USF3: variants seen among roughly 807,000 people sequenced by gnomAD.
USF3 encodes the protein upstream transcription factor family member 3.
USF3 carries 29 observed loss-of-function variants against 157.5 expected under a neutral mutation model. That is an observed-to-expected ratio of 0.18 (90% CI 0.14 to 0.25). USF3 has a LOEUF of 0.25. Among genes scored for constraint, USF3 ranks in the 10% least tolerant of loss-of-function variants. The pLI, the probability that USF3 is intolerant of heterozygous loss-of-function variation, is 1.00. For synonymous variants in USF3, 893 were observed against 941.4 expected (o/e 0.95, Z 0.94); for missense variants, 2,381 against 2,667.6 (o/e 0.89, Z 2.37).
intron 1 of USF3, among the ~76,000 whole-genome samples, chr3:113,681,554 ATT>A (rs566594731): frequency 0.31 from 39,359 of 126,022 alleles, 3,066 homozygotes; most frequent in African/African-American, 0.32. Flanking sequence ...CGACTGGCTA[ATT>A]TTTTTTTTTT....
intron 1 of USF3, among the ~76,000 whole-genome samples, chr3:113,695,207 A>C (rs569732045): frequency 1.3e-5 from 2 of 152,356 alleles, no homozygotes; most frequent in East Asian, 3.9e-4. Flanking sequence ...TTCTGCTTTC[A>C]GAAGTGCAAT....
At position 113,654,960 on chromosome 3, in the gene USF3, C is replaced by A. The variant is rs994482334; in HGVS notation, c.6722G>T (p.Cys2241Phe). 2.5e-6 allele frequency: 4 copies of A among 1,609,038 alleles called. No homozygotes were observed. Among genetic ancestry groups the A allele is most frequent in the East Asian group, 2.2e-5 (1 of 44,790 alleles). The change falls in exon 7 of 7, where the codon TGC (cysteine) becomes TTC (phenylalanine). Residue 2241 changes from cysteine (C) to phenylalanine (F), a missense_variant. Cys to Phe is a radical substitution (Grantham distance 205, BLOSUM62 -2). Around this residue, in one of 6 missense-constraint regions of USF3, gnomAD observed 20 missense variants for 36.6 expected, o/e 0.55. Coordinates refer to ENST00000316407, the MANE Select transcript of USF3 (RefSeq NM_001009899.4). ...TATCAGTATTTAAACAGCTGAACTGCAATCATGACCTAGAATATGGCTTAT... is the reference window on the plus strand; with the variant it reads ...TATCAGTATTTAAACAGCTGAACTGAAATCATGACCTAGAATATGGCTTAT... ...HNISHILGHDCSSAV is the reference protein window; with the variant it reads ...HNISHILGHDFSSAV
intron 5 of USF3, among the ~76,000 whole-genome samples, chr3:113,668,544 A>G (rs55654899): frequency 0.12 from 17,575 of 152,108 alleles, 1,272 homozygotes; most frequent in East Asian, 0.31. Flanking sequence ...TAATCATGCA[A>G]CACTTAGGGC....
rs539740851 is a variant in USF3 at position 113,677,504 on chromosome 3, A to T, written c.-134-107T>A. 5.9e-5 allele frequency: 9 copies of T among 152,330 alleles called. No homozygotes were observed. The South Asian group carries it at 1.9e-3, about 32-fold the overall frequency. 9.4% of individuals were successfully genotyped at this position (152,330 alleles called of 1,614,324 possible). On this transcript the variant is annotated intron_variant, in intron 1 of 6. Transcript: ENST00000316407. The stretch of plus-strand genomic sequence containing the variant: ...GGCATGCAAGCAGATTTTTAGTGCC[A>T]CGAAGGATGATCCTGAATTCTCCCC...
At chr3:113,667,304 T>C (rs1055459772) in intron 5 of USF3, among the ~76,000 whole-genome samples, 22 of 152,124 alleles carry the variant, frequency 1.4e-4, no homozygotes, top group African/African-American at 4.8e-4. Flanking sequence ...GTGAAGAAAA[T>C]CTTAGTTGGC....
chr3:113,673,184 G>A (rs979393303), intron 4 of USF3, among the ~76,000 whole-genome samples, 164 bp downstream of exon 4: 1 of 152,100 alleles, frequency 6.6e-6, no homozygotes, highest in Non-Finnish European at 1.5e-5. Flanking sequence ...ATCTTCATGA[G>A]ACTCAGGGAG....
In USF3 at chr3:113,670,016, T is replaced by C. The variant is rs940581861; in HGVS notation, c.159+105A>G. 2.2e-5 allele frequency: 16 copies of C among 722,440 alleles called. No homozygotes were observed. The Admixed American group carries it at 3.0e-4, about 13-fold the overall frequency. 44.8% of individuals were successfully genotyped at this position (722,440 alleles called of 1,614,324 possible). ...GCAATTATTAACTTCAAAAGAACCA[T>C]ACATAGAAATAGAAAGCAACAAAAA... On this transcript the variant is annotated intron_variant, in intron 5 of 6. Transcript: ENST00000316407.
intron 5 of USF3, among the ~76,000 whole-genome samples, chr3:113,668,590 T>C (rs1707064159): frequency 6.6e-6 from 1 of 151,884 alleles, no homozygotes; most frequent in African/African-American, 2.4e-5. Context: ...AGCTTTTTAA[T>C]GCCTCATTCC....
At chr3:113,678,853 C>G (rs1707342726) in intron 1 of USF3, among the ~76,000 whole-genome samples, 1 of 152,064 alleles carries the variant, frequency 6.6e-6, no homozygotes, top group Admixed American at 6.6e-5. Context: ...CTCTCAAACT[C>G]TGGTGATCCT....
chr3:113,655,151 T>C lies in USF3; in HGVS notation c.6531A>G (p.Pro2177=), dbSNP rs1947330627. Residue 2177 remains proline (P), a synonymous_variant, in exon 7 of 7, where the codon CCA becomes CCG. Transcript: ENST00000316407. ...PSFPLLPDMP[P]MHMTNSHLSN... is the part of the protein sequence containing the mutation. ...ATAAGTGAGAGTTGGTCATGTGCATTGGTGGCATATCTGGGAGAAGAGGAA... is the reference window on the plus strand; with the variant it reads ...ATAAGTGAGAGTTGGTCATGTGCATCGGTGGCATATCTGGGAGAAGAGGAA... 1 of 1,614,100 alleles carries C rather than the reference T, an allele frequency of 6.2e-7. No homozygotes were observed. The highest frequency in any genetic ancestry group is 1.1e-5 in the South Asian group (1 of 91,094).
In USF3 at chr3:113,656,058, T is replaced by C. The variant is rs1947352101; in HGVS notation, c.5624A>G (p.Asn1875Ser). Reference protein sequence around the residue: ...VHIRRESESQNRESCDMSLGA... With the variant: ...VHIRRESESQSRESCDMSLGA... ...TAACGACATGTCACAACTTTCCCTA[T>C]TCTGACTCTCACTCTCTCTTCTAAT... is the stretch of plus-strand genomic sequence containing the variant. The change falls in exon 7 of 7, where the codon AAT becomes AGT. Residue 1875 changes from asparagine to serine, a missense_variant. Transcript: ENST00000316407. The C allele has an allele frequency of 6.2e-7, 1 of 1,614,198 alleles. No individual in the cohort carries two copies. Among genetic ancestry groups the C allele is most frequent in the South Asian group, 1.1e-5 (1 of 91,086 alleles).
chr3:113,691,736 T>G (rs1707689174), intron 1 of USF3, among the ~76,000 whole-genome samples: 1 of 152,256 alleles, frequency 6.6e-6, no homozygotes, highest in African/African-American at 2.4e-5. Context: ...AGTATCCATT[T>G]GCTGCTTAGC....
rs369850456 is a variant in USF3, at chr3:113,656,136, C to G, written c.5546G>C (p.Gly1849Ala). The change falls in exon 7 of 7, where the codon GGT becomes GCT. Residue 1849 changes from glycine (G) to alanine (A), a missense_variant. Transcript: ENST00000316407. ...LSEHQRNTQCGPSSAIEYNCP... is the reference protein window; with the variant it reads ...LSEHQRNTQCAPSSAIEYNCP... ...ATTATATTCAATTGCAGAGGATGGACCACACTGTGTATTCCTCTGATGTTC... is the reference window on the plus strand; with the variant it reads ...ATTATATTCAATTGCAGAGGATGGAGCACACTGTGTATTCCTCTGATGTTC... The G allele has an allele frequency of 1.9e-6, 3 of 1,614,154 alleles. No homozygotes were observed. The East Asian group carries it at 6.7e-5, about 36-fold the overall frequency.
chr3:113,679,374 C>T (rs1298427668), intron 1 of USF3, among the ~76,000 whole-genome samples: 1 of 151,668 alleles, frequency 6.6e-6, no homozygotes, highest in African/African-American at 2.4e-5. Flanking sequence ...ATGACCCAAC[C>T]CCATCAAGGT....
chr3:113,672,614 T>TA (rs1258608038), intron 4 of USF3, among the ~76,000 whole-genome samples: 3 of 151,008 alleles, frequency 2.0e-5, no homozygotes, highest in Admixed American at 6.6e-5. Context: ...GCATGGAGGT[T>TA]AAAAAAAAAG....
Position 113,650,142 on chromosome 3 carries a change from A to C in USF3, c.*4802T>G. On this transcript the variant is annotated 3_prime_UTR_variant, in exon 7 of 7. Transcript: ENST00000316407. ...TTATATAGACAACAAAATTACAAAAATGGCTTCCAGGCTCCTAAAGATATC... is the reference window on the plus strand; with the variant it reads ...TTATATAGACAACAAAATTACAAAACTGGCTTCCAGGCTCCTAAAGATATC... 2.4e-6 allele frequency: 1 copy of C among 415,458 alleles called. No individual in the cohort carries two copies. Among genetic ancestry groups the C allele is most frequent in the Non-Finnish European group, 4.3e-6 (1 of 230,990 alleles). The allele number at this position is 415,458 out of a possible 1,614,324, so 25.7% of individuals were successfully genotyped here. A position where few individuals can be genotyped will look rare whatever the true frequency, so the allele number is the denominator to read the frequency against.
chr3:113,661,993 CGCACCAA>C (rs1947494007), intron 6 of USF3, among the ~76,000 whole-genome samples: 4 of 152,070 alleles, frequency 2.6e-5, no homozygotes, highest in Non-Finnish European at 4.4e-5. Flanking sequence ...ATTACAGGTG[CGCACCAA>C]CACTCCCAGC....
intron 1 of USF3, among the ~76,000 whole-genome samples, chr3:113,689,000 A>G (rs187546859): frequency 6.6e-6 from 1 of 151,840 alleles, no homozygotes; most frequent in African/African-American, 2.4e-5. Context: ...CACTGCACTC[A>G]AGCCTGGGCA....
At position 113,677,295 on chromosome 3, in the gene USF3, G is replaced by A. The variant is rs911009515; in HGVS notation, c.-32C>T. ...TGACCTTCTCACCTAAGGGCTTGCA[G>A]AGTTTCTTCACTTTTGATTCCTGGC... On this transcript the variant is annotated 5_prime_UTR_variant, in exon 2 of 7. Coordinates refer to ENST00000316407, the MANE Select transcript of USF3 (RefSeq NM_001009899.4). The A allele has an allele frequency of 6.6e-6, 1 of 152,182 alleles. No individual in the cohort carries two copies. The highest frequency in any genetic ancestry group is 2.4e-5 in the African/African-American group (1 of 41,436). The allele number at this position is 152,182 out of a possible 1,614,324, so 9.4% of individuals were successfully genotyped here.
Sources: allele counts gnomAD v4.1 joint callset (sites outside exome capture counted in the v4.1 genomes callset), GRCh38; gene constraint gnomAD v4.1.1; regional missense constraint gnomAD v4.1.1; transcripts MANE v1.5; gene names NCBI Gene and HGNC (gene_info 2026-07-23, HGNC 2026-07-21).